The following RAB26 variants were observed in gnomAD, a reference collection of about 807,000 sequenced individuals.
RAB26 encodes the protein RAB26, member RAS oncogene family, also known as ras-related protein Rab-26.
RAB26 carries 39 observed loss-of-function variants against 33.1 expected under a neutral mutation model. The ratio of observed to expected loss-of-function variants is 1.18; its 90% CI spans 0.91 to 1.54. The LOEUF (loss-of-function observed/expected upper bound fraction) is 1.54. RAB26 is among the 40% of genes most tolerant of loss of function. The pLI is 0.00. For missense variants in RAB26, 468 were observed against 362.9 expected (o/e 1.29, Z -2.35); for synonymous variants, 192 against 151.9 (o/e 1.26, Z -1.94).
rs763094042 is a variant in RAB26, at chr16:2,153,017, AGAGG to A, written c.568_571del (p.Glu190ThrfsTer31). ...GACTCTGCCCATGAGCGTGTGGTGA[AGAGG>A]GAGGACGGGGAGAAGCTGGCCAAGG... is the stretch of plus-strand genomic sequence containing the variant. On this transcript the variant is annotated frameshift_variant, in exon 7 of 9. Coordinates refer to ENST00000210187, the MANE Select transcript of RAB26 (RefSeq NM_014353.5). LOFTEE classifies it high-confidence loss of function. 2.5e-6 allele frequency: 4 copies of A among 1,600,396 alleles called. No individual in the cohort carries two copies. In the South Asian group the frequency reaches 3.3e-5, roughly 13 times the overall value.
In RAB26 at chr16:2,148,734, G is replaced by T; in HGVS notation, c.-50G>T. ...GCTCGGCGGGCGCGGGGTGCGGGAC[G>T]GCCCAGGGCACGGCGGCTGCAGCGG... On this transcript the variant is annotated 5_prime_UTR_variant, in exon 1 of 9. Transcript: ENST00000210187. 8.1e-7 allele frequency: 1 copy of T among 1,227,454 alleles called. No individual in the cohort carries two copies. The allele number at this position is 1,227,454 out of a possible 1,614,324, so 76.0% of individuals were successfully genotyped here.
chr16:2,152,784 G>T (rs1272136751), intron 5 of RAB26, 36 bp from the exon 6 acceptor site: 1 of 1,590,892 alleles, frequency 6.3e-7, no homozygotes, highest in Non-Finnish European at 8.5e-7. Flanking sequence ...GGCAAGCCAT[G>T]CAGGGAGCCC....
chr16:2,149,093 G>A, intron 1 of RAB26, 115 bp downstream of exon 1: 6 of 1,087,136 alleles, frequency 5.5e-6, no homozygotes, highest in Non-Finnish European at 5.9e-6. Context: ...CGGAGCCGAC[G>A]CGGGAGGAAC....
chr16:2,151,875 T>G lies in RAB26; in HGVS notation c.435T>G (p.Asp145Glu), dbSNP rs767417290. ...RDAHALLLLY[D>E]VTNKASFDNI... ...CCCCAGCTCTGCTGCTGCTCTACGA[T>G]GTCACCAACAAGGCCTCCTTTGACA... Residue 145 changes from aspartate (D) to glutamate (E), a missense_variant, in exon 5 of 9, where the codon GAT becomes GAG. By Grantham distance (45) the Asp-to-Glu change is conservative. Coordinates refer to ENST00000210187, the MANE Select transcript of RAB26 (RefSeq NM_014353.5). The G allele has an allele frequency of 6.2e-7, 1 of 1,614,040 alleles. No individual in the cohort carries two copies. The highest frequency in any genetic ancestry group is 2.2e-5 in the East Asian group (1 of 44,898).
At chr16:2,148,330 GC>G (rs1213511614), upstream of RAB26, 2 of 152,448 alleles carry the variant, frequency 1.3e-5, no homozygotes, top group African/African-American at 4.8e-5. Context: ...CCCAGGTCTG[GC>G]GGTCCAGTTT....
chr16:2,151,959 T>C, intron 5 of RAB26, 51 bp downstream of exon 5: 2 of 1,603,284 alleles, frequency 1.2e-6, no homozygotes, highest in Non-Finnish European at 1.7e-6. Context: ...GCCTGACCCA[T>C]CCCAACCTCC....
chr16:2,150,851 A>G (rs2093002630), intron 2 of RAB26, among the ~76,000 whole-genome samples: 1 of 152,184 alleles, frequency 6.6e-6, no homozygotes, highest in African/African-American at 2.4e-5. Context: ...GGAGACCCAG[A>G]AGCACTCTGA....
chr16:2,153,475 AC>A lies in RAB26; in HGVS notation c.*55del. Reference sequence around the variant, plus strand: ...AGCCGTCCAGTCCCTAGAAGGCTGGACAGAGGGTCTCCAGGCCCTTCTGACT... The same window carrying A: ...AGCCGTCCAGTCCCTAGAAGGCTGGAAGAGGGTCTCCAGGCCCTTCTGACT... On this transcript the variant is annotated 3_prime_UTR_variant, in exon 9 of 9. Transcript: ENST00000210187. 1 of 1,540,076 alleles carries A rather than the reference AC, an allele frequency of 6.5e-7. No individual in the cohort carries two copies.
chr16:2,150,187 T>A, intron 2 of RAB26, 136 bp downstream of exon 2: 1 of 716,866 alleles, frequency 1.4e-6, no homozygotes, highest in Non-Finnish European at 2.2e-6. Flanking sequence ...TTCCAACACC[T>A]GGGCTGGTGG....
Position 2,152,719 on chromosome 16 carries a change from T to TA in RAB26, c.469-98dup, listed in dbSNP as rs774524986. On this transcript the variant is annotated intron_variant, in intron 5 of 8. Transcript: ENST00000210187. ...AAAAAAAAAAAAAAAAAAAAAAAGA[T>TA]AAAGACAGGTGCCCTCTACAGTGTG... 3.5e-5 allele frequency: 18 copies of TA among 516,618 alleles called. No homozygotes were observed. In the African/African-American group the frequency reaches 4.8e-4, roughly 14 times the overall value. The allele number at this position is 516,618 out of a possible 1,614,324, so 32.0% of individuals were successfully genotyped here. A position where few individuals can be genotyped will look rare whatever the true frequency, so the allele number is the denominator to read the frequency against.
intron 2 of RAB26, chr16:2,151,072 C>T (rs2093003356): frequency 5.2e-6 from 2 of 381,282 alleles, no homozygotes; most frequent in South Asian, 3.8e-5. Flanking sequence ...CAGACAGGCC[C>T]AGGCCCAGCC....
rs775276046 is a variant in RAB26, at chr16:2,148,902, C to A, written c.119C>A (p.Ala40Glu). 3.7e-6 allele frequency: 5 copies of A among 1,339,498 alleles called. No individual in the cohort carries two copies. The East Asian group carries it at 9.2e-5, about 25-fold the overall frequency. The allele number at this position is 1,339,498 out of a possible 1,614,324, so 83.0% of individuals were successfully genotyped here. The part of the protein sequence containing the change: ...RSGTALSGPD[A>E]PPNGPLQPGR... ...GGGACTGCGCTTTCCGGCCCCGACG[C>A]GCCGCCCAACGGGCCCTTGCAGCCC... The change falls in exon 1 of 9, where the codon GCG becomes GAG. Residue 40 changes from alanine (A) to glutamate (E), a missense_variant. By Grantham distance (107) the Ala-to-Glu change is moderately radical (BLOSUM62 -1). Transcript: ENST00000210187.
chr16:2,154,014 G>A lies in RAB26; in HGVS notation c.*593G>A. 2.8e-6 allele frequency: 1 copy of A among 359,456 alleles called. No homozygotes were observed. Among genetic ancestry groups the A allele is most frequent in the Non-Finnish European group, 5.6e-6 (1 of 179,514 alleles). 22.3% of individuals were successfully genotyped at this position (359,456 alleles called of 1,614,324 possible). ...ACAGAAAACACCAGAAACAACAACT[G>A]CCAGCCCGGCCTGGCCACAGGTGAG... On this transcript the variant is annotated 3_prime_UTR_variant, in exon 9 of 9. Transcript: ENST00000210187.
At position 2,153,955 on chromosome 16, in the gene RAB26, A is replaced by G. The variant is rs2093016829; in HGVS notation, c.*534A>G. ...GGGTCTTCCTCACTGACCTTGGAGGATGCCTGTGGCCTTGTGATAAAATGT... is the reference window on the plus strand; with the variant it reads ...GGGTCTTCCTCACTGACCTTGGAGGGTGCCTGTGGCCTTGTGATAAAATGT... On this transcript the variant is annotated 3_prime_UTR_variant, in exon 9 of 9. Transcript: ENST00000210187. 1 of 394,316 alleles carries G rather than the reference A, an allele frequency of 2.5e-6. No individual in the cohort carries two copies. The highest frequency in any genetic ancestry group is 5.1e-6 in the Non-Finnish European group (1 of 195,854). The allele number at this position is 394,316 out of a possible 1,614,324, so 24.4% of individuals were successfully genotyped here.
At position 2,152,769 on chromosome 16, in the gene RAB26, C is replaced by T. The variant is rs760350683; in HGVS notation, c.469-51C>T. On this transcript the variant is annotated intron_variant, in intron 5 of 8. Coordinates refer to ENST00000210187, the MANE Select transcript of RAB26 (RefSeq NM_014353.5). ...GACCTGGAGGGCCAAAGTTCTGGGG[C>T]ATGGGGCAAGCCATGCAGGGAGCCC... 2.6e-6 allele frequency: 4 copies of T among 1,550,572 alleles called. No individual in the cohort carries two copies. In the South Asian group the frequency reaches 3.5e-5, roughly 14 times the overall value.
chr16:2,151,660 G>C (rs780826890), intron 3 of RAB26, 35 bp from the exon 4 acceptor site: 2 of 1,614,086 alleles, frequency 1.2e-6, no homozygotes, highest in South Asian at 2.2e-5. Context: ...CACCAGGGAA[G>C]GGCTGGACAG....
Position 2,153,002 on chromosome 16 carries a change from A to G in RAB26, c.548A>G (p.His183Arg), listed in dbSNP as rs781048375. ...MLLGNKVDSA[H>R]ERVVKREDGE... The stretch of plus-strand genomic sequence containing the variant: ...TGCCTGGGCCAGGTGGACTCTGCCC[A>G]TGAGCGTGTGGTGAAGAGGGAGGAC... Residue 183 changes from histidine to arginine, a missense_variant, in exon 7 of 9, where the codon CAT (histidine) becomes CGT (arginine). Transcript: ENST00000210187. 36 of 1,594,968 alleles carry G rather than the reference A, an allele frequency of 2.3e-5. No homozygotes were observed. In the Admixed American group the frequency reaches 4.9e-4, roughly 22 times the overall value.
chr16:2,148,976 A>C lies in RAB26; in HGVS notation c.193A>C (p.Lys65Gln). Residue 65 changes from lysine (K) to glutamine (Q), a missense_variant and splice_region_variant, in exon 1 of 9, where the codon AAG (lysine) becomes CAG (glutamine). Lys to Gln is a moderately conservative substitution (Grantham distance 53). Transcript: ENST00000210187. ...GGVDFYDVAF[K>Q]VMLVGDSGVG... is the part of the protein sequence containing the mutation. The stretch of plus-strand genomic sequence containing the variant: ...TGTCGACTTCTACGACGTCGCCTTC[A>C]AGGTGAGCCAGGCACCCGCCCCCCA... 7.8e-7 allele frequency: 1 copy of C among 1,274,516 alleles called. No individual in the cohort carries two copies. 79.0% of individuals were successfully genotyped at this position (1,274,516 alleles called of 1,614,324 possible).
intron 2 of RAB26, 22 bp downstream of exon 2, chr16:2,150,073 G>A (rs1479691910): frequency 6.5e-7 from 1 of 1,527,130 alleles, no homozygotes; most frequent in African/African-American, 1.4e-5. Context: ...CCCTGGCCTG[G>A]CCCCACATCA....
Sources: gnomAD v4.1 joint callset for allele counts (sites outside exome capture counted in the v4.1 genomes callset) on GRCh38, gnomAD v4.1.1 for gene constraint, MANE v1.5 for transcripts, NCBI Gene and HGNC (gene_info 2026-07-23, HGNC 2026-07-21) for gene names.